MECOM: variants seen among roughly 807,000 people sequenced by gnomAD.
The protein encoded by MECOM is histone-lysine N-methyltransferase MECOM.
MECOM carries 13 observed loss-of-function variants against 116.3 expected under a neutral mutation model. That is an observed-to-expected ratio of 0.11 (90% CI 0.07 to 0.18). The LOEUF (loss-of-function observed/expected upper bound fraction) is 0.18. MECOM is among the 10% of genes least tolerant of loss of function. MECOM has a pLI of 1.00. For missense variants in MECOM, 1,299 were observed against 1,509.0 expected (o/e 0.86, Z 2.31); for synonymous variants, 528 against 535.2 (o/e 0.99, Z 0.19).
At chr3:169,232,326 G>C (rs777400394) in intron 2 of MECOM, among the ~76,000 whole-genome samples, 1 of 151,950 alleles carries the variant, frequency 6.6e-6, no homozygotes, top group Non-Finnish European at 1.5e-5. Flanking sequence ...AAAATTTCCA[G>C]CTCCACCACT....
At chr3:169,248,626 T>A (rs1371692561) in intron 2 of MECOM, among the ~76,000 whole-genome samples, 1 of 152,132 alleles carries the variant, frequency 6.6e-6, no homozygotes, top group Non-Finnish European at 1.5e-5. Flanking sequence ...TAACACCCAA[T>A]GCCTGAGAAT....
chr3:169,556,124 T>C (rs1038540024), intron 1 of MECOM, among the ~76,000 whole-genome samples: 4 of 152,212 alleles, frequency 2.6e-5, no homozygotes, highest in African/African-American at 9.6e-5. Context: ...AGGTCTCAGA[T>C]TGAGGATGTC....
rs74385969 is a variant in MECOM at position 169,602,242 on chromosome 3, A to G, written c.37+61094T>C. On this transcript the variant is annotated intron_variant, in intron 1 of 16. Transcript: ENST00000651503. ...ATGAGTAGCCAGCAGCCAACTTTCC[A>G]AAGATTATGAACTTAGAGAGATGTT... is the stretch of plus-strand genomic sequence containing the variant. 4.0e-3 allele frequency among the ~76,000 whole-genome samples: 608 copies of G among 152,360 alleles called. 4 individuals are homozygous for G. The highest frequency in any genetic ancestry group is 0.014 in the African/African-American group (574 of 41,590).
intron 2 of MECOM, among the ~76,000 whole-genome samples, chr3:169,260,942 GT>G (rs1177930230): frequency 6.6e-6 from 1 of 152,212 alleles, no homozygotes; most frequent in Non-Finnish European, 1.5e-5. Context: ...TCAAAATTCA[GT>G]GCATAGATTG....
At chr3:169,404,589 G>A (rs1476545711) in intron 1 of MECOM, among the ~76,000 whole-genome samples, 1 of 152,188 alleles carries the variant, frequency 6.6e-6, no homozygotes, top group Admixed American at 6.5e-5. Flanking sequence ...GGAGGGGGAA[G>A]CCCCCCAAGC....
At chr3:169,094,849 A>G (rs1720979803) in intron 13 of MECOM, among the ~76,000 whole-genome samples, 1 of 152,202 alleles carries the variant, frequency 6.6e-6, no homozygotes, top group Non-Finnish European at 1.5e-5. Flanking sequence ...AAAATTACCC[A>G]TTAGGAAGAT....
chr3:169,374,799 A>G (rs1180583495), intron 2 of MECOM, among the ~76,000 whole-genome samples: 7 of 151,936 alleles, frequency 4.6e-5, no homozygotes, highest in Non-Finnish European at 1.0e-4. Context: ...TTGGGGAGCC[A>G]AGGTAAGAGG....
At chr3:169,632,185 A>G (rs73174395) in intron 1 of MECOM, among the ~76,000 whole-genome samples, 12,661 of 139,664 alleles carry the variant, frequency 0.091, 642 homozygotes, top group East Asian at 0.27. Context: ...AGCATTCTGG[A>G]GAGAAATATA....
chr3:169,162,108 C>T (rs150221921), intron 2 of MECOM, among the ~76,000 whole-genome samples: 1 of 152,180 alleles, frequency 6.6e-6, no homozygotes, highest in Non-Finnish European at 1.5e-5. Flanking sequence ...ATACCAAGCA[C>T]ACCAGCCACA....
intron 14 of MECOM, among the ~76,000 whole-genome samples, 193 bp downstream of exon 14, chr3:169,092,765 T>C (rs1249798828): frequency 6.6e-6 from 1 of 152,188 alleles, no homozygotes; most frequent in Non-Finnish European, 1.5e-5. Flanking sequence ...CATAGGGTTA[T>C]GATGAAATTA....
intron 3 of MECOM, among the ~76,000 whole-genome samples, chr3:169,132,468 T>C (rs1364343821): frequency 9.0e-6 from 1 of 111,640 alleles, no homozygotes; most frequent in East Asian, 2.7e-4. Flanking sequence ...GTTTATTCAT[T>C]CTACCATAAA....
chr3:169,240,110 A>C (rs1754598191), intron 2 of MECOM, among the ~76,000 whole-genome samples: 1 of 152,194 alleles, frequency 6.6e-6, no homozygotes, highest in African/African-American at 2.4e-5. Context: ...ACTATCTAGA[A>C]ACTGGTTTTA....
intron 15 of MECOM, among the ~76,000 whole-genome samples, 173 bp downstream of exon 15, chr3:169,089,827 A>C (rs1167448539): frequency 1.3e-5 from 2 of 152,154 alleles, no homozygotes; most frequent in Non-Finnish European, 2.9e-5. Context: ...CTTGTGGATT[A>C]TGTTGATAGC....
chr3:169,102,142 G>A lies in MECOM; in HGVS notation c.2689C>T (p.Pro897Ser). Residue 897 changes from proline to serine, a missense_variant, in exon 11 of 17, where the codon CCC becomes TCC. By Grantham distance (74) the Pro-to-Ser change is moderately conservative (BLOSUM62 -1). This residue lies in a region of MECOM where 340 missense variants were observed against 312.6 expected (regional missense o/e 1.09). Coordinates refer to ENST00000651503, the MANE Select transcript of MECOM (RefSeq NM_004991.4). ...GGCGCCCTGAAGTTGAACATAGAGG[G>A]CACTGACTGTAAGAGCTCACTGGCC... ...PEASELLQSV[P>S]SMFNFRAPPN... The A allele has an allele frequency of 6.2e-7, 1 of 1,613,830 alleles. No individual in the cohort carries two copies. Among genetic ancestry groups the A allele is most frequent in the Non-Finnish European group, 8.5e-7 (1 of 1,179,854 alleles).
At chr3:169,509,657 G>T (rs1216079089) in intron 1 of MECOM, among the ~76,000 whole-genome samples, 1 of 152,122 alleles carries the variant, frequency 6.6e-6, no homozygotes, top group African/African-American at 2.4e-5. Context: ...AATGTTCTAA[G>T]GTTCACCCAT....
intron 2 of MECOM, among the ~76,000 whole-genome samples, chr3:169,330,334 A>AT (rs1722523219): frequency 6.6e-6 from 1 of 152,136 alleles, no homozygotes. Context: ...TACAGGTGGA[A>AT]TTTTTAAGGG....
At chr3:169,628,489 C>G (rs1401476714) in intron 1 of MECOM, among the ~76,000 whole-genome samples, 2 of 152,166 alleles carry the variant, frequency 1.3e-5, no homozygotes, top group Non-Finnish European at 2.9e-5. Flanking sequence ...ATTTATGGAG[C>G]ACCTTTCCTT....
intron 1 of MECOM, among the ~76,000 whole-genome samples, chr3:169,649,043 T>C (rs1365716440): frequency 6.6e-6 from 1 of 152,226 alleles, no homozygotes; most frequent in African/African-American, 2.4e-5. Context: ...TTTGCCCATC[T>C]GCAGACCCAA....
intron 8 of MECOM, among the ~76,000 whole-genome samples, 192 bp from the exon 9 acceptor site, chr3:169,113,066 G>A (rs557764112): frequency 6.6e-6 from 1 of 152,116 alleles, no homozygotes; most frequent in East Asian, 1.9e-4. Context: ...AAGAAGAAAA[G>A]TTCCTATTTA....
Sources: allele counts gnomAD v4.1 joint callset (sites outside exome capture counted in the v4.1 genomes callset), GRCh38; gene constraint gnomAD v4.1.1; regional missense constraint gnomAD v4.1.1; transcripts MANE v1.5; gene names NCBI Gene and HGNC (gene_info 2026-07-23, HGNC 2026-07-21).